The following OLA1 variants were observed in gnomAD, a reference collection of about 807,000 sequenced individuals.
OLA1 encodes obg-like ATPase 1.
OLA1 carries 14 observed loss-of-function variants against 48.4 expected under a neutral mutation model. The observed-to-expected ratio is 0.29, with a 90% CI of 0.19 to 0.45. OLA1 has a LOEUF of 0.45. Ranked by LOEUF, OLA1 falls within the 20% of genes least tolerant of loss-of-function variation. OLA1 has a pLI of 1.00. For synonymous variants in OLA1, 127 were observed against 150.4 expected, an observed-to-expected ratio of 0.84 and a Z score of 1.14; for missense variants, 325 against 467.1, an observed-to-expected ratio of 0.70 and a Z score of 2.80.
At chr2:174,230,791 G>A (rs1688711822) in intron 2 of OLA1, among the ~76,000 whole-genome samples, 1 of 152,208 alleles carries the variant, frequency 6.6e-6, no homozygotes. Context: ...AGATGTAGAA[G>A]CTAACAGCAG....
At chr2:174,232,838 C>T (rs1298545426) in intron 2 of OLA1, among the ~76,000 whole-genome samples, 1 of 152,176 alleles carries the variant, frequency 6.6e-6, no homozygotes, top group East Asian at 1.9e-4. Flanking sequence ...ACCATACGAT[C>T]CAGCAATCTC....
chr2:174,120,362 T>C (rs1287620584), intron 7 of OLA1, among the ~76,000 whole-genome samples: 1 of 152,092 alleles, frequency 6.6e-6, no homozygotes, highest in African/African-American at 2.4e-5. Context: ...GTTTAGAAAA[T>C]GAAAACCTCA....
At chr2:174,241,885 C>A (rs928956579) in intron 2 of OLA1, among the ~76,000 whole-genome samples, 1 of 152,260 alleles carries the variant, frequency 6.6e-6, no homozygotes. Flanking sequence ...ATCCGCTTGC[C>A]TCAGCCTCCC....
intron 4 of OLA1, among the ~76,000 whole-genome samples, chr2:174,208,972 T>C (rs1688175768): frequency 6.6e-6 from 1 of 152,200 alleles, no homozygotes; most frequent in Non-Finnish European, 1.5e-5. Flanking sequence ...CTTTCTATTT[T>C]GAGGCCTCTA....
intron 4 of OLA1, among the ~76,000 whole-genome samples, chr2:174,209,584 A>T (rs1688197822): frequency 6.6e-6 from 1 of 152,172 alleles, no homozygotes; most frequent in African/African-American, 2.4e-5. Context: ...CTCGGGCTGA[A>T]GCAGAGGTGA....
intron 10 of OLA1, 66 bp from the exon 11 acceptor site, chr2:174,075,593 G>T: frequency 1.1e-6 from 1 of 939,816 alleles, no homozygotes; most frequent in Non-Finnish European, 1.7e-6. Context: ...GGTAAATGGT[G>T]GCAGCAGATA....
chr2:174,132,537 T>A (rs1421739770), intron 5 of OLA1, among the ~76,000 whole-genome samples: 1 of 152,154 alleles, frequency 6.6e-6, no homozygotes, highest in Non-Finnish European at 1.5e-5. Flanking sequence ...AAATTTGGTA[T>A]ATTGCATGTT....
chr2:174,211,252 A>G (rs188562101), intron 4 of OLA1, among the ~76,000 whole-genome samples: 3 of 152,096 alleles, frequency 2.0e-5, no homozygotes, highest in East Asian at 3.9e-4. Flanking sequence ...GTTTCTTAGA[A>G]TATCACTTTA....
rs1684985578 is a variant in OLA1, at chr2:174,086,705, T to C, written c.729-4641A>G. On this transcript the variant is annotated intron_variant, in intron 7 of 10. Transcript: ENST00000284719. ...ACTAATGGGCAGGTCGCATCCACAG[T>C]GGATACGCTGGACAAAGGTACAGTT... Among the ~76,000 whole-genome samples, 3 of 152,184 alleles carry C rather than the reference T, an allele frequency of 2.0e-5. No homozygotes were observed. In the South Asian group the frequency reaches 6.2e-4, roughly 32 times the overall value.
intron 4 of OLA1, among the ~76,000 whole-genome samples, chr2:174,168,753 ATATCTATC>A (rs71021675): frequency 0.15 from 22,532 of 145,948 alleles, 1,854 homozygotes; most frequent in East Asian, 0.25. Context: ...CACAATATGT[ATATCTATC>A]TATCTATCTA....
At chr2:174,233,039 TG>T (rs1688767666) in intron 2 of OLA1, among the ~76,000 whole-genome samples, 3 of 152,200 alleles carry the variant, frequency 2.0e-5, no homozygotes, top group South Asian at 4.1e-4. Context: ...AAGGAAATCC[TG>T]TCACATGCTA....
intron 4 of OLA1, among the ~76,000 whole-genome samples, chr2:174,177,609 T>G (rs1015010082): frequency 3.3e-5 from 5 of 152,124 alleles, no homozygotes; most frequent in Non-Finnish European, 7.4e-5. Context: ...AAAGTTAGCA[T>G]AAATCCAATT....
chr2:174,092,300 A>G (rs75517323), intron 7 of OLA1, among the ~76,000 whole-genome samples: 20,844 of 152,186 alleles, frequency 0.14, 1,808 homozygotes, highest in Non-Finnish European at 0.2. Flanking sequence ...CAGATGCTCA[A>G]TAAATGTTGG....
At chr2:174,121,718 G>T in intron 7 of OLA1, among the ~76,000 whole-genome samples, 1 of 152,128 alleles carries the variant, frequency 6.6e-6, no homozygotes, top group East Asian at 1.9e-4. Flanking sequence ...AAAAACATGG[G>T]GTGTCTGGCG....
At chr2:174,138,844 G>C (rs1166246368) in intron 5 of OLA1, among the ~76,000 whole-genome samples, 1 of 152,034 alleles carries the variant, frequency 6.6e-6, no homozygotes, top group African/African-American at 2.4e-5. Context: ...TATTACTGAG[G>C]ACATTAATTT....
chr2:174,149,744 T>C (rs1403871650), intron 4 of OLA1, among the ~76,000 whole-genome samples: 1 of 152,192 alleles, frequency 6.6e-6, no homozygotes, highest in Non-Finnish European at 1.5e-5. Context: ...CTCTTTTCAA[T>C]GATTATAAAT....
intron 7 of OLA1, among the ~76,000 whole-genome samples, chr2:174,093,570 G>A: frequency 6.6e-6 from 1 of 152,024 alleles, no homozygotes; most frequent in East Asian, 1.9e-4. Flanking sequence ...CAAGGAATAT[G>A]CATTTAACTC....
Position 174,229,311 on chromosome 2 carries a change from G to A in OLA1, c.242C>T (p.Ala81Val). 6.2e-7 allele frequency: 1 copy of A among 1,611,648 alleles called. No homozygotes were observed. The highest frequency in any genetic ancestry group is 1.1e-5 in the South Asian group (1 of 90,846). The change falls in exon 3 of 11, where the codon GCA (alanine) becomes GTA (valine). Residue 81 changes from alanine to valine, a missense_variant. Ala to Val is a moderately conservative substitution (Grantham distance 64). Coordinates refer to ENST00000284719, the MANE Select transcript of OLA1 (RefSeq NM_013341.5). ...FDFLCQYHKP[A>V]SKIPAFLNVV... is the part of the protein sequence containing the mutation. The stretch of plus-strand genomic sequence containing the variant: ...AATAGCATAAAATATCTCTTACCTT[G>A]CTGGTTTGTGGTATTGACAAAGAAA...
At chr2:174,190,562 G>C (rs1179148558) in intron 4 of OLA1, among the ~76,000 whole-genome samples, 1 of 151,420 alleles carries the variant, frequency 6.6e-6, no homozygotes, top group Non-Finnish European at 1.5e-5. Flanking sequence ...GAATTTCATA[G>C]AATGAAATTC....
Sources: gnomAD v4.1 joint callset for allele counts (sites outside exome capture counted in the v4.1 genomes callset) on GRCh38, gnomAD v4.1.1 for gene constraint, MANE v1.5 for transcripts, NCBI Gene and HGNC (gene_info 2026-07-23, HGNC 2026-07-21) for gene names.